NME5: variants seen among roughly 807,000 people sequenced by gnomAD.
NME5 encodes NME/NM23 family member 5, also known as nucleoside diphosphate kinase 5.
In NME5, 18 loss-of-function variants were observed where a neutral mutation model predicts 21.6. The ratio of observed to expected loss-of-function variants is 0.83; its 90% CI spans 0.58 to 1.24. The LOEUF (loss-of-function observed/expected upper bound fraction) is 1.24, where lower values mean the gene tolerates loss of function less well. NME5 is among the 50% of genes most tolerant of loss of function. The pLI, the probability that NME5 is intolerant of heterozygous loss-of-function variation, is 0.00. For synonymous variants in NME5, 70 were observed against 80.6 expected (o/e 0.87, Z 0.71); for missense variants, 223 against 255.4 (o/e 0.87, Z 0.86).
At position 138,139,394 on chromosome 5, in the gene NME5, A is replaced by G. The variant is rs1349026223; in HGVS notation, c.-29T>C. ...ACCTCAGCGGCCGTCCTCATATGGT[A>G]CAACTTGTTGCTAGGAGACCTGAAG... On this transcript the variant is annotated 5_prime_UTR_variant, in exon 1 of 6. Coordinates refer to ENST00000265191, the MANE Select transcript of NME5 (RefSeq NM_003551.3). 1.0e-6 allele frequency: 1 copy of G among 985,544 alleles called. No individual in the cohort carries two copies. Among genetic ancestry groups the G allele is most frequent in the Non-Finnish European group, 1.2e-6 (1 of 830,170 alleles). 61.0% of individuals were successfully genotyped at this position (985,544 alleles called of 1,614,324 possible).
At position 138,139,359 on chromosome 5, in the gene NME5, CTAAG is replaced by C; in HGVS notation, c.-6+8_-6+11del. 1.0e-6 allele frequency: 1 copy of C among 986,070 alleles called. No homozygotes were observed. Among genetic ancestry groups the C allele is most frequent in the Non-Finnish European group, 1.2e-6 (1 of 830,476 alleles). 61.1% of individuals were successfully genotyped at this position (986,070 alleles called of 1,614,324 possible). ...CTGCAAATTCTGAATTTGACCCTCT[CTAAG>C]TACTCACCTCAGCGGCCGTCCTCAT... On this transcript the variant is annotated splice_region_variant and intron_variant, in intron 1 of 5. Coordinates refer to ENST00000265191, the MANE Select transcript of NME5 (RefSeq NM_003551.3).
At chr5:138,128,423 A>C in intron 4 of NME5, 56 bp downstream of exon 4, 1 of 1,305,386 alleles carries the variant, frequency 7.7e-7, no homozygotes, top group Non-Finnish European at 1.1e-6. Context: ...CGCAAAATAA[A>C]AGAAAAAGCA....
intron 4 of NME5, 40 bp from the exon 5 acceptor site, chr5:138,118,976 G>C: frequency 8.9e-7 from 1 of 1,128,556 alleles, no homozygotes; most frequent in Non-Finnish European, 1.3e-6. Flanking sequence ...CAAACATAAT[G>C]ATTAAATACT....
chr5:138,134,998 C>T (rs1175887875), intron 2 of NME5, among the ~76,000 whole-genome samples: 5 of 150,352 alleles, frequency 3.3e-5, no homozygotes, highest in African/African-American at 9.7e-5. Flanking sequence ...CCACCGCGCC[C>T]GGCCGTCACT....
chr5:138,138,728 A>T lies in NME5; in HGVS notation c.53T>A (p.Ile18Asn), dbSNP rs34855110. 188 of 1,611,758 alleles carry T rather than the reference A, an allele frequency of 1.2e-4. No homozygotes were observed. In the African/African-American group the frequency reaches 2.4e-3, roughly 20 times the overall value. Residue 18 changes from isoleucine (I) to asparagine (N), a missense_variant, in exon 2 of 6, where the codon ATT (isoleucine) becomes AAT (asparagine). By Grantham distance (149) the Ile-to-Asn change is moderately radical. Transcript: ENST00000265191. ...TTTGTCAACAATATCTGGTTTGATA[A>T]TGGCCAGAGTTTTTTCTACATATAT... ...PQIYVEKTLA[I>N]IKPDIVDKEE...
chr5:138,120,766 G>A (rs2151159218), intron 4 of NME5, among the ~76,000 whole-genome samples: 1 of 152,150 alleles, frequency 6.6e-6, no homozygotes, highest in South Asian at 2.1e-4. Flanking sequence ...AAGGGTCTAA[G>A]TTCTTTTTGT....
At chr5:138,119,319 C>T (rs1441088442) in intron 4 of NME5, among the ~76,000 whole-genome samples, 1 of 152,168 alleles carries the variant, frequency 6.6e-6, no homozygotes, top group Admixed American at 6.5e-5. Flanking sequence ...GATTCTCCTG[C>T]CTCAGCCTCC....
Position 138,129,283 on chromosome 5 carries a change from C to G in NME5, c.315G>C (p.Ala105=). The change falls in exon 3 of 6, where the codon GCG becomes GCC. Residue 105 remains alanine (A), a synonymous_variant. Coordinates refer to ENST00000265191, the MANE Select transcript of NME5 (RefSeq NM_003551.3). ...ATTACCTGTCTGGATGTGTCTCCTT[C>G]GCTACTAAGCTATTATTTGGTCCCA... is the stretch of plus-strand genomic sequence containing the variant. ...ELLGPNNSLV[A]KETHPDSLRA... is the part of the protein sequence containing the mutation. 6.2e-7 allele frequency: 1 copy of G among 1,612,988 alleles called. No individual in the cohort carries two copies. The highest frequency in any genetic ancestry group is 8.5e-7 in the Non-Finnish European group (1 of 1,179,276).
chr5:138,120,547 A>T (rs1328095120), intron 4 of NME5, among the ~76,000 whole-genome samples: 1 of 152,058 alleles, frequency 6.6e-6, no homozygotes. Context: ...CTCTTTTCAC[A>T]TTCTTAATGA....
At chr5:138,117,575 T>C (rs1306733147) in intron 5 of NME5, among the ~76,000 whole-genome samples, 2 of 152,116 alleles carry the variant, frequency 1.3e-5, no homozygotes, top group East Asian at 1.9e-4. Flanking sequence ...AAAGAAGGTA[T>C]ACAAATGGCC....
intron 1 of NME5, chr5:138,138,998 G>A: frequency 2.4e-6 from 1 of 422,172 alleles, no homozygotes; most frequent in African/African-American, 2.1e-5. Flanking sequence ...ATCGAGCCCC[G>A]GCTTTTCGTA....
rs190446176 is a variant in NME5 at position 138,118,376 on chromosome 5, C to A, written c.555+442G>T. Among the ~76,000 whole-genome samples, 85 of 152,134 alleles carry A rather than the reference C, an allele frequency of 5.6e-4. 1 individual carries two copies. Among genetic ancestry groups the A allele is most frequent in the African/African-American group, 2.0e-3 (83 of 41,530 alleles). On this transcript the variant is annotated intron_variant, in intron 5 of 5. Transcript: ENST00000265191. ...TCCTGACCTAGTGATCCACCCACCT[C>A]GGCCTCCCAAAGTGCTGGGATAATA...
At chr5:138,134,991 C>T (rs1751661426) in intron 2 of NME5, among the ~76,000 whole-genome samples, 1 of 150,560 alleles carries the variant, frequency 6.6e-6, no homozygotes, top group African/African-American at 2.4e-5. Flanking sequence ...GCGTGAGCCA[C>T]CGCGCCCGGC....
At chr5:138,124,403 T>C (rs1561587802) in intron 4 of NME5, among the ~76,000 whole-genome samples, 1 of 152,056 alleles carries the variant, frequency 6.6e-6, no homozygotes, top group African/African-American at 2.4e-5. Context: ...TATTTAGGGG[T>C]TTTTTGGATA....
chr5:138,138,971 A>T (rs1751796785), intron 1 of NME5, 186 bp from the exon 2 acceptor site: 1 of 521,960 alleles, frequency 1.9e-6, no homozygotes, highest in Admixed American at 3.8e-5. Flanking sequence ...CAATAATAGG[A>T]TTCCTACTAT....
chr5:138,130,545 C>G (rs1751537298), intron 2 of NME5, among the ~76,000 whole-genome samples: 1 of 152,088 alleles, frequency 6.6e-6, no homozygotes, highest in Non-Finnish European at 1.5e-5. Flanking sequence ...TCCCAACACT[C>G]TGGGAGGCCA....
Position 138,138,990 on chromosome 5 carries a change from C to A in NME5, c.-5-205G>T, listed in dbSNP as rs566786161. ...AATAGGATTCCTACTATGTCCAAAT[C>A]GAGCCCCGGCTTTTCGTATACGATG... On this transcript the variant is annotated intron_variant, in intron 1 of 5. Transcript: ENST00000265191. The A allele has an allele frequency of 1.4e-5, 6 of 439,456 alleles. No individual in the cohort carries two copies. The South Asian group carries it at 1.9e-4, about 14-fold the overall frequency. The allele number at this position is 439,456 out of a possible 1,614,324, so 27.2% of individuals were successfully genotyped here.
chr5:138,122,398 C>T (rs2151160304), intron 4 of NME5, among the ~76,000 whole-genome samples: 1 of 128,932 alleles, frequency 7.8e-6, no homozygotes, highest in Admixed American at 9.4e-5. Flanking sequence ...TGAGATCGGG[C>T]CACTGCACTC....
chr5:138,117,165 C>A (rs117411023), intron 5 of NME5, among the ~76,000 whole-genome samples: 1 of 135,500 alleles, frequency 7.4e-6, no homozygotes, highest in Non-Finnish European at 1.5e-5. Flanking sequence ...GCCGAGATGG[C>A]GCCACCAGAC....
Sources: gnomAD v4.1 joint callset for allele counts (sites outside exome capture counted in the v4.1 genomes callset) on GRCh38, gnomAD v4.1.1 for gene constraint, MANE v1.5 for transcripts, NCBI Gene and HGNC (gene_info 2026-07-23, HGNC 2026-07-21) for gene names.